The following TNNC2 variants were observed in gnomAD, a reference collection of about 807,000 sequenced individuals.
The protein encoded by TNNC2 is troponin C2, fast skeletal type, also known as troponin C, skeletal muscle.
In TNNC2, 14 loss-of-function variants were observed where a neutral mutation model predicts 20.0. The observed-to-expected ratio is 0.70, with a 90% CI of 0.46 to 1.09. The LOEUF (loss-of-function observed/expected upper bound fraction) is 1.09. Ranked by LOEUF, TNNC2 falls within the 50% of genes least tolerant of loss-of-function variation. The probability of loss-of-function intolerance (pLI) is 0.00; values close to 1 mark genes in which losing one functional copy is unlikely to be tolerated. For synonymous variants in TNNC2, 81 were observed against 77.3 expected (o/e 1.05, Z -0.25); for missense variants, 163 against 223.8 (o/e 0.73, Z 1.73).
In TNNC2 at chr20:45,823,410, G is replaced by A. The variant is rs762537640; in HGVS notation, c.452-31C>T. On this transcript the variant is annotated intron_variant, in intron 5 of 5. Transcript: ENST00000372555. This position sits in a 1 kb window ranked among gnomAD's most constrained non-coding sequence, Gnocchi z 4.6. ...GGAAAGGAGAGGGAGAGGGTCAGGG[G>A]TCCCACTGGGGACGCAGAGGCCAGG... The A allele has an allele frequency of 6.9e-5, 110 of 1,583,760 alleles. 1 individual carries two copies. In the Admixed American group the frequency reaches 2.0e-3, roughly 29 times the overall value.
upstream of TNNC2, among the ~76,000 whole-genome samples, chr20:45,829,856 C>G (rs2145729450): frequency 6.6e-6 from 1 of 151,734 alleles, no homozygotes; most frequent in East Asian, 2.0e-4. Context: ...ATCCGCCTGC[C>G]TCAGCCTCCT....
At chr20:45,829,576 G>A (rs1311509372), upstream of TNNC2, among the ~76,000 whole-genome samples, 5 of 151,662 alleles carry the variant, frequency 3.3e-5, no homozygotes, top group Non-Finnish European at 7.4e-5. Flanking sequence ...TCAGGAGATC[G>A]AGACCATCCT....
upstream of TNNC2, chr20:45,827,461 C>G (rs1601056987): frequency 1.7e-6 from 1 of 596,484 alleles, no homozygotes; most frequent in Non-Finnish European, 3.0e-6. Context: ...CTAATTTAGC[C>G]AAGGGCCCTT....
chr20:45,824,401 C>T lies in TNNC2; in HGVS notation c.205G>A (p.Gly69Ser). The T allele has an allele frequency of 6.2e-7, 1 of 1,610,598 alleles. No homozygotes were observed. Among genetic ancestry groups the T allele is most frequent in the South Asian group, 1.1e-5 (1 of 91,088 alleles). ...IIEEVDEDGS[G>S]TIDFEEFLVM... ...AAGAACTCCTCGAAGTCGATGGTGC[C>T]GCTGCCTGCGGGCAGCAGGTGGCAG... The change falls in exon 4 of 6, where the codon GGC becomes AGC. Residue 69 changes from glycine to serine, a missense_variant. Physicochemically the swap from Gly to Ser is moderately conservative, Grantham distance 56. Transcript: ENST00000372555.
intron 1 of TNNC2, among the ~76,000 whole-genome samples, chr20:45,825,372 A>G (rs1357311670): frequency 1.3e-5 from 2 of 149,840 alleles, no homozygotes. Context: ...GCTCACTGCA[A>G]CCTCCACCTC....
At chr20:45,827,409 G>C (rs1983001094), upstream of TNNC2, 3 of 865,326 alleles carry the variant, frequency 3.5e-6, no homozygotes, top group Non-Finnish European at 5.5e-6. Flanking sequence ...TCAGATCCTG[G>C]GGTCAGCGAG....
In TNNC2 at chr20:45,823,248, A is replaced by C; in HGVS notation, c.*100T>G. 8.5e-7 allele frequency: 1 copy of C among 1,171,696 alleles called. No individual in the cohort carries two copies. The highest frequency in any genetic ancestry group is 1.2e-6 in the Non-Finnish European group (1 of 852,932). The allele number at this position is 1,171,696 out of a possible 1,614,324, so 72.6% of individuals were successfully genotyped here. Reference sequence around the variant, plus strand: ...ATTTGCTTTTATTCCTTCCAGACAAAGACCCACAAGGGGTCGCGCCTCCCT... The same window carrying C: ...ATTTGCTTTTATTCCTTCCAGACAACGACCCACAAGGGGTCGCGCCTCCCT... On this transcript the variant is annotated 3_prime_UTR_variant, in exon 6 of 6. Transcript: ENST00000372555. The surrounding 1 kb of genome is among the most constrained non-coding windows in gnomAD (Gnocchi z 4.6).
Position 45,827,275 on chromosome 20 carries a change from T to C in TNNC2, c.-27A>G, listed in dbSNP as rs751828175. 20 of 1,614,102 alleles carry C rather than the reference T, an allele frequency of 1.2e-5. No individual in the cohort carries two copies. The South Asian group carries it at 2.0e-4, about 16-fold the overall frequency. Reference sequence around the variant, plus strand: ...GTTGCTGGTGACCGGGACTCCTCTGTTGCAGGTCGCCTCCTTTGCACTCCA... The same window carrying C: ...GTTGCTGGTGACCGGGACTCCTCTGCTGCAGGTCGCCTCCTTTGCACTCCA... On this transcript the variant is annotated 5_prime_UTR_variant, in exon 1 of 6. Coordinates refer to ENST00000372555, the MANE Select transcript of TNNC2 (RefSeq NM_003279.3).
In TNNC2 at chr20:45,827,265, G is replaced by A; in HGVS notation, c.-17C>T. On this transcript the variant is annotated 5_prime_UTR_variant, in exon 1 of 6. Coordinates refer to ENST00000372555, the MANE Select transcript of TNNC2 (RefSeq NM_003279.3). ...CCTTACCATGGTTGCTGGTGACCGG[G>A]ACTCCTCTGTTGCAGGTCGCCTCCT... 1 of 1,614,092 alleles carries A rather than the reference G, an allele frequency of 6.2e-7. No individual in the cohort carries two copies. The highest frequency in any genetic ancestry group is 8.5e-7 in the Non-Finnish European group (1 of 1,180,012).
At chr20:45,832,659 C>A (rs1195760233) in intron 2 of TNNC2, among the ~76,000 whole-genome samples, 1 of 152,212 alleles carries the variant, frequency 6.6e-6, no homozygotes, top group Non-Finnish European at 1.5e-5. Context: ...GTAGGAGCTA[C>A]TTTGGAGAGA....
upstream of TNNC2, chr20:45,827,467 C>T (rs1601056995): frequency 1.2e-5 from 7 of 587,422 alleles, no homozygotes; most frequent in Middle Eastern, 4.0e-4. Context: ...TAGCCAAGGG[C>T]CCTTGCAGAG....
At chr20:45,831,243 A>C (rs1008882723), upstream of TNNC2, among the ~76,000 whole-genome samples, 12 of 151,962 alleles carry the variant, frequency 7.9e-5, no homozygotes, top group Non-Finnish European at 1.3e-4. Context: ...CTATGATCGC[A>C]CCCCTGCACT....
At position 45,827,229 on chromosome 20, in the gene TNNC2, T is replaced by C. The variant is rs1982995449; in HGVS notation, c.3+17A>G. On this transcript the variant is annotated intron_variant, in intron 1 of 5. Coordinates refer to ENST00000372555, the MANE Select transcript of TNNC2 (RefSeq NM_003279.3). ...TGCTCCCGTGAGTAAAGGCACAAAG[T>C]CCCCTCTTGTCCTTACCATGGTTGC... 1 of 1,613,884 alleles carries C rather than the reference T, an allele frequency of 6.2e-7. No individual in the cohort carries two copies. Among genetic ancestry groups the C allele is most frequent in the Admixed American group, 1.7e-5 (1 of 59,978 alleles).
In TNNC2 at chr20:45,823,287, C is replaced by T. The variant is rs910625829; in HGVS notation, c.*61G>A. The T allele has an allele frequency of 1.4e-6, 2 of 1,476,322 alleles. No individual in the cohort carries two copies. Among genetic ancestry groups the T allele is most frequent in the Middle Eastern group, 1.7e-4 (1 of 5,716 alleles). The allele number at this position is 1,476,322 out of a possible 1,614,324, so 91.5% of individuals were successfully genotyped here. ...TCGCGCCTCCCTGGTGGGGACCCGG[C>T]AGGGCGGAGTCTCCCACACCCTAGG... On this transcript the variant is annotated 3_prime_UTR_variant, in exon 6 of 6. Transcript: ENST00000372555. The surrounding 1 kb of genome is among the most constrained non-coding windows in gnomAD (Gnocchi z 4.6).
upstream of TNNC2, among the ~76,000 whole-genome samples, chr20:45,828,350 CTTA>C (rs762121896): frequency 2.6e-5 from 4 of 152,056 alleles, no homozygotes; most frequent in Non-Finnish European, 5.9e-5. Flanking sequence ...GTTGATGATT[CTTA>C]TTATTAATCC....
chr20:45,824,156 C>T, intron 4 of TNNC2, 29 bp from the exon 5 acceptor site: 3 of 1,610,790 alleles, frequency 1.9e-6, no homozygotes, highest in Non-Finnish European at 2.5e-6. Context: ...GGGCAGGGCT[C>T]AGGGCCGGGG....
chr20:45,825,759 T>G (rs1368569859), intron 1 of TNNC2, among the ~76,000 whole-genome samples: 1 of 152,168 alleles, frequency 6.6e-6, no homozygotes, highest in Non-Finnish European at 1.5e-5. Flanking sequence ...TAGCTGGGAT[T>G]ACAGGCATGC....
chr20:45,828,507 T>C (rs1287779345), upstream of TNNC2, among the ~76,000 whole-genome samples: 3 of 152,146 alleles, frequency 2.0e-5, no homozygotes, highest in Non-Finnish European at 2.9e-5. Flanking sequence ...AGTTACCTTC[T>C]CCAGGGAAAG....
upstream of TNNC2, among the ~76,000 whole-genome samples, chr20:45,831,640 G>A (rs1983109564): frequency 7.2e-6 from 1 of 138,202 alleles, no homozygotes; most frequent in African/African-American, 2.6e-5. Flanking sequence ...AATAAAAAAG[G>A]AAGAAGAAGC....
Sources: gnomAD v4.1 joint callset for allele counts (sites outside exome capture counted in the v4.1 genomes callset) on GRCh38, gnomAD v4.1.1 for gene constraint, Gnocchi (gnomAD v3.1) non-coding constraint, MANE v1.5 for transcripts, NCBI Gene and HGNC (gene_info 2026-07-23, HGNC 2026-07-21) for gene names.